Variants in SLC9A7 observed in about 807,000 individuals in gnomAD.
The protein encoded by SLC9A7 is solute carrier family 9 member A7, also known as sodium/hydrogen exchanger 7.
SLC9A7 carries 19 observed loss-of-function variants against 52.6 expected under a neutral mutation model. That is an observed-to-expected ratio of 0.36 (90% CI 0.25 to 0.53). The LOEUF is 0.53. Among genes scored for constraint, SLC9A7 ranks in the 20% least tolerant of loss-of-function variants. SLC9A7 has a pLI of 0.91. For synonymous variants in SLC9A7, 226 were observed against 252.1 expected (o/e 0.90, Z 0.98); for missense variants, 455 against 597.9 (o/e 0.76, Z 2.49).
intron 1 of SLC9A7, among the ~76,000 whole-genome samples, chrX:46,757,499 A>G (rs1429650502): frequency 8.9e-6 from 1 of 112,808 alleles, no homozygotes; most frequent in Admixed American, 9.4e-5. Flanking sequence ...AGCAAGGCCC[A>G]GAACCAAGGG....
intron 3 of SLC9A7, among the ~76,000 whole-genome samples, chrX:46,673,496 C>A (rs1414568509): frequency 8.9e-6 from 1 of 112,030 alleles, no homozygotes; most frequent in Non-Finnish European, 1.9e-5. Context: ...TCCTAAGACA[C>A]AGTTCTGCCT....
At chrX:46,627,327 A>AC (rs1343882511) in intron 14 of SLC9A7, among the ~76,000 whole-genome samples, 26 of 111,185 alleles carry the variant, frequency 2.3e-4, no homozygotes, top group African/African-American at 8.5e-4. Context: ...ACAAAACAAA[A>AC]AAAAAACCAG....
intron 5 of SLC9A7, among the ~76,000 whole-genome samples, chrX:46,667,664 A>G (rs1943943280): frequency 9.0e-6 from 1 of 111,583 alleles, no homozygotes; most frequent in Non-Finnish European, 1.9e-5. Flanking sequence ...GGCATGGTCA[A>G]GTGGGGTATC....
At chrX:46,756,210 C>T (rs1922656961) in intron 1 of SLC9A7, among the ~76,000 whole-genome samples, 1 of 111,475 alleles carries the variant, frequency 9.0e-6, no homozygotes, top group African/African-American at 3.3e-5. Context: ...TCCCAGCACA[C>T]AGTGGATACT....
At chrX:46,662,821 T>C (rs1943847705) in intron 5 of SLC9A7, among the ~76,000 whole-genome samples, 178 bp from the exon 6 acceptor site, 1 of 111,952 alleles carries the variant, frequency 8.9e-6, no homozygotes. Flanking sequence ...ATCTTCCTTA[T>C]CTGAAGGAGC....
At chrX:46,757,865 A>AAG (rs1922794629) in intron 1 of SLC9A7, among the ~76,000 whole-genome samples, 1 of 111,270 alleles carries the variant, frequency 9.0e-6, no homozygotes, top group South Asian at 3.8e-4. Flanking sequence ...TGTACCATTA[A>AAG]ATCTAGAAAA....
intron 12 of SLC9A7, among the ~76,000 whole-genome samples, chrX:46,641,433 T>C (rs1358868799): frequency 8.9e-6 from 1 of 111,826 alleles, no homozygotes; most frequent in Non-Finnish European, 1.9e-5. Flanking sequence ...GCTCTGAGCA[T>C]CCAGAGCATC....
intron 1 of SLC9A7, among the ~76,000 whole-genome samples, chrX:46,749,604 T>C (rs1922086813): frequency 8.9e-6 from 1 of 111,964 alleles, no homozygotes; most frequent in Non-Finnish European, 1.9e-5. Context: ...CCTTCTGTCA[T>C]ATCAATGGAA....
intron 1 of SLC9A7, among the ~76,000 whole-genome samples, chrX:46,694,866 T>C (rs886688251): frequency 1.8e-5 from 2 of 111,993 alleles, no homozygotes; most frequent in Non-Finnish European, 3.8e-5. Context: ...ATAAACAAAA[T>C]GTGGTCTATC....
chrX:46,679,317 T>C (rs1257761235), intron 3 of SLC9A7, among the ~76,000 whole-genome samples: 1 of 112,815 alleles, frequency 8.9e-6, no homozygotes, highest in Non-Finnish European at 1.9e-5. Flanking sequence ...GTTTGTCTAT[T>C]ACAACTTGGT....
chrX:46,707,401 G>C (rs1330500499), intron 1 of SLC9A7, among the ~76,000 whole-genome samples: 2 of 111,886 alleles, frequency 1.8e-5, no homozygotes, highest in Non-Finnish European at 3.8e-5. Context: ...GAGATCACTT[G>C]AGGCAAGGTG....
intron 12 of SLC9A7, among the ~76,000 whole-genome samples, chrX:46,640,630 C>T (rs1943391944): frequency 8.9e-6 from 1 of 111,999 alleles, no homozygotes; most frequent in Non-Finnish European, 1.9e-5. Context: ...AAAATATTTG[C>T]AAACCATGTA....
chrX:46,680,840 A>G (rs1224669630), intron 2 of SLC9A7, among the ~76,000 whole-genome samples: 1 of 112,394 alleles, frequency 8.9e-6, no homozygotes, highest in Non-Finnish European at 1.9e-5. Flanking sequence ...TCAGCCTAAT[A>G]AAAGTAGGTT....
intron 15 of SLC9A7, among the ~76,000 whole-genome samples, chrX:46,613,981 A>G (rs2146680414): frequency 8.9e-6 from 1 of 112,066 alleles, no homozygotes; most frequent in Non-Finnish European, 1.9e-5. Context: ...TCAACTTCCC[A>G]TACAGGACCA....
rs760178363 is a variant in SLC9A7, at chrX:46,707,183, G to A, written c.326-24648C>T. The stretch of plus-strand genomic sequence containing the variant: ...GCTTAAAGGCTTCCAATGGCTCCTC[G>A]CCAGCTAGAGGACAAAAGCCCAACT... On this transcript the variant is annotated intron_variant, in intron 1 of 16. Transcript: ENST00000616978. Among the ~76,000 whole-genome samples the A allele has an allele frequency of 5.3e-5, 6 of 112,169 alleles. No individual in the cohort carries two copies. The South Asian group carries it at 1.5e-3, about 28-fold the overall frequency.
chrX:46,730,670 T>TATATATATATATATATATATA (rs1491295251), intron 1 of SLC9A7, among the ~76,000 whole-genome samples: 3 of 42,928 alleles, frequency 7.0e-5, no homozygotes, highest in African/African-American at 6.5e-5. Flanking sequence ...AAAAAAAAAA[T>TATATATATATATATATATATA]TATATATATA....
intron 1 of SLC9A7, among the ~76,000 whole-genome samples, chrX:46,716,170 C>A (rs185198861): frequency 6.7e-4 from 74 of 111,128 alleles, no homozygotes; most frequent in African/African-American, 2.3e-3. Flanking sequence ...AGACCTGAGA[C>A]TTCTAGATCC....
intron 1 of SLC9A7, among the ~76,000 whole-genome samples, chrX:46,750,962 T>G (rs1173661161): frequency 1.8e-5 from 2 of 112,194 alleles, no homozygotes; most frequent in African/African-American, 6.5e-5. Flanking sequence ...AAAGTACTCA[T>G]CAAATACTGC....
At chrX:46,625,304 A>G (rs1275699053) in intron 14 of SLC9A7, among the ~76,000 whole-genome samples, 1 of 109,668 alleles carries the variant, frequency 9.1e-6, no homozygotes, top group African/African-American at 3.3e-5. Flanking sequence ...CACCCCACCA[A>G]AGCTTTCTAC....
Sources: allele counts gnomAD v4.1 joint callset (sites outside exome capture counted in the v4.1 genomes callset), GRCh38; gene constraint gnomAD v4.1.1; transcripts MANE v1.5; gene names NCBI Gene and HGNC (gene_info 2026-07-23, HGNC 2026-07-21).